The following BCL7A variants were observed in gnomAD, a reference collection of about 807,000 sequenced individuals.
BCL7A encodes the protein B-cell CLL/lymphoma 7 protein family member A.
A neutral mutation model predicts 28.4 loss-of-function variants in BCL7A; 11 were observed. That is an observed-to-expected ratio of 0.39 (90% confidence interval 0.24 to 0.64). The LOEUF is 0.64. Among genes scored for constraint, BCL7A ranks in the 30% least tolerant of loss-of-function variants. The pLI, the probability that BCL7A is intolerant of heterozygous loss-of-function variation, is 0.50. For missense variants in BCL7A, 222 were observed against 274.8 expected (o/e 0.81, Z 1.36); for synonymous variants, 123 against 103.3 (o/e 1.19, Z -1.15).
At chr12:122,025,169 AGGG>A (rs1238413948) in intron 1 of BCL7A, among the ~76,000 whole-genome samples, 1 of 152,138 alleles carries the variant, frequency 6.6e-6, no homozygotes, top group East Asian at 1.9e-4. Flanking sequence ...AGAAGACCCC[AGGG>A]CGATGGTAGG....
Position 122,043,915 on chromosome 12 carries a change from G to A in BCL7A, c.301G>A (p.Asp101Asn). 1 of 1,613,852 alleles carries A rather than the reference G, an allele frequency of 6.2e-7. No individual in the cohort carries two copies. Among genetic ancestry groups the A allele is most frequent in the Non-Finnish European group, 8.5e-7 (1 of 1,179,998 alleles). Residue 101 changes from aspartate (D) to asparagine (N), a missense_variant, in exon 4 of 6, where the codon GAT becomes AAT. Around this residue, in one of 2 missense-constraint regions of BCL7A, gnomAD observed 155 missense variants for 145.7 expected, o/e 1.06. Coordinates refer to ENST00000261822, the MANE Select transcript of BCL7A (RefSeq NM_001024808.3). ...TAACAGCAACCAGAGCTCCATCGCA[G>A]ATGCCTCCCCCATCAAACAGGAGAA... The part of the protein sequence containing the change: ...DDNSNQSSIA[D>N]ASPIKQENSS...
At chr12:122,025,340 A>G (rs1261463640) in intron 1 of BCL7A, among the ~76,000 whole-genome samples, 2 of 151,638 alleles carry the variant, frequency 1.3e-5, no homozygotes, top group East Asian at 1.9e-4. Flanking sequence ...AAAAGAAAAA[A>G]AAGAGCCGGG....
In BCL7A at chr12:122,029,670, GC is replaced by G. The variant is rs1289886899; in HGVS notation, c.93-1029del. Among the ~76,000 whole-genome samples the G allele has an allele frequency of 6.6e-6, 1 of 152,112 alleles. No homozygotes were observed. Among genetic ancestry groups the G allele is most frequent in the Non-Finnish European group, 1.5e-5 (1 of 68,016 alleles). Reference sequence around the variant, plus strand: ...CCATCAGTGGCTCCTTGGTGGCCTCGCAGGTCTCCTGATCTGGCAGAGTCTT... The same window carrying G: ...CCATCAGTGGCTCCTTGGTGGCCTCGAGGTCTCCTGATCTGGCAGAGTCTT... On this transcript the variant is annotated intron_variant, in intron 1 of 5. Coordinates refer to ENST00000261822, the MANE Select transcript of BCL7A (RefSeq NM_001024808.3). This position sits in a 1 kb window ranked among gnomAD's most constrained non-coding sequence, Gnocchi z 4.3.
chr12:122,040,425 C>T (rs1428566444), intron 3 of BCL7A, among the ~76,000 whole-genome samples: 9 of 149,974 alleles, frequency 6.0e-5, no homozygotes, highest in Non-Finnish European at 1.2e-4. Context: ...CCCAGCTACT[C>T]GGGAGGCTGA....
intron 5 of BCL7A, among the ~76,000 whole-genome samples, chr12:122,056,215 G>A (rs572986775): frequency 7.2e-5 from 11 of 152,256 alleles, no homozygotes; most frequent in African/African-American, 1.2e-4. Flanking sequence ...CAAAGTTGTC[G>A]GCTGGGATCT....
At chr12:122,057,980 G>A (rs556409739) in intron 5 of BCL7A, among the ~76,000 whole-genome samples, 3 of 151,604 alleles carry the variant, frequency 2.0e-5, no homozygotes, top group South Asian at 4.2e-4. Context: ...CCTTGAGCCC[G>A]GGAGTTCAAG....
chr12:122,059,245 C>A lies in BCL7A; in HGVS notation c.*82C>A, dbSNP rs763719414. The A allele has an allele frequency of 3.7e-6, 5 of 1,344,800 alleles. No homozygotes were observed. The highest frequency in any genetic ancestry group is 5.3e-6 in the Non-Finnish European group (5 of 943,600). 83.3% of individuals were successfully genotyped at this position (1,344,800 alleles called of 1,614,324 possible). On this transcript the variant is annotated 3_prime_UTR_variant, in exon 6 of 6. Transcript: ENST00000261822. This position sits in a 1 kb window ranked among gnomAD's most constrained non-coding sequence, Gnocchi z 4.0. ...CTAGAGCAACTTTGCCCCAGCGATT[C>A]CTCTTGGGTGCGAACAGAACTACTA... is the stretch of plus-strand genomic sequence containing the variant.
chr12:122,053,927 A>G (rs1056005589), intron 4 of BCL7A, among the ~76,000 whole-genome samples: 6 of 152,262 alleles, frequency 3.9e-5, no homozygotes, highest in African/African-American at 1.4e-4. Context: ...ATTTGTACGC[A>G]TGGAGGGAGG....
intron 4 of BCL7A, 143 bp from the exon 5 acceptor site, chr12:122,054,662 C>T (rs1335106700): frequency 1.2e-6 from 1 of 804,248 alleles, no homozygotes; most frequent in South Asian, 1.7e-5. Flanking sequence ...ACTCCCCAGC[C>T]CTCCAGCCCC....
In BCL7A at chr12:122,036,540, C is replaced by G. The variant is rs530514284; in HGVS notation, c.271+1113C>G. Among the ~76,000 whole-genome samples the G allele has an allele frequency of 1.9e-4, 29 of 152,272 alleles. No homozygotes were observed. The East Asian group carries it at 5.2e-3, about 27-fold the overall frequency. On this transcript the variant is annotated intron_variant, in intron 3 of 5. Transcript: ENST00000261822. ...ACCTTTTTATTTGAGAGGAAACGTG[C>G]AAATGATGTGTGTATGACTCCATGA...
In BCL7A at chr12:122,061,119, A is replaced by G. The variant is rs1951917627; in HGVS notation, c.*1956A>G. 8.9e-6 allele frequency: 2 copies of G among 225,710 alleles called. No individual in the cohort carries two copies. The highest frequency in any genetic ancestry group is 1.8e-4 in the South Asian group (1 of 5,438). The allele number at this position is 225,710 out of a possible 1,614,324, so 14.0% of individuals were successfully genotyped here. A position where few individuals can be genotyped will look rare whatever the true frequency, so the allele number is the denominator to read the frequency against. On this transcript the variant is annotated 3_prime_UTR_variant, in exon 6 of 6. Coordinates refer to ENST00000261822, the MANE Select transcript of BCL7A (RefSeq NM_001024808.3). ...CCAGATTCCGTAGAGTTAGAGTCAC[A>G]TTTTTCTTTGCAGCGAAACTCCATC...
rs770159023 is a variant in BCL7A at position 122,024,459 on chromosome 12, TTTG to T, written c.92+2279_92+2281del. On this transcript the variant is annotated intron_variant, in intron 1 of 5. Coordinates refer to ENST00000261822, the MANE Select transcript of BCL7A (RefSeq NM_001024808.3). ...TTGTAGAAACTTGGCTTTGAGGTTTTTTGTTTTTTTTTTTTTTTGGCCCCTTCT... is the reference window on the plus strand; with the variant it reads ...TTGTAGAAACTTGGCTTTGAGGTTTTTTTTTTTTTTTTTTTGGCCCCTTCT... Among the ~76,000 whole-genome samples, 120 of 47,262 alleles carry T rather than the reference TTTG, an allele frequency of 2.5e-3. 11 individuals carry two copies. The highest frequency in any genetic ancestry group is 3.7e-3 in the Non-Finnish European group (87 of 23,516). The allele number at this position is 47,262 out of a possible 152,430, so 31.0% of individuals were successfully genotyped here.
Position 122,022,069 on chromosome 12 carries a change from G to A in BCL7A, c.-23G>A. On this transcript the variant is annotated 5_prime_UTR_variant, in exon 1 of 6. Transcript: ENST00000261822. ...CAGGACCCGGCGGGCGCGCTCCCCA[G>A]CCTCCGTCTCCCCGCCGGAACCATG... The A allele has an allele frequency of 1.3e-6, 2 of 1,537,102 alleles. No individual in the cohort carries two copies. Among genetic ancestry groups the A allele is most frequent in the Non-Finnish European group, 1.8e-6 (2 of 1,139,300 alleles).
intron 1 of BCL7A, among the ~76,000 whole-genome samples, chr12:122,024,296 T>A (rs568166587): frequency 2.0e-5 from 3 of 152,300 alleles, no homozygotes; most frequent in African/African-American, 2.4e-5. Flanking sequence ...TCTCTAACCA[T>A]GGTGACCCGG....
At chr12:122,044,089 C>T in intron 4 of BCL7A, 36 bp downstream of exon 4, 2 of 1,589,776 alleles carry the variant, frequency 1.3e-6, no homozygotes, top group Non-Finnish European at 8.6e-7. Context: ...CTGACGGCCT[C>T]CCTGTAACCG....
chr12:122,046,666 G>A (rs1388913664), intron 4 of BCL7A, among the ~76,000 whole-genome samples: 1 of 152,158 alleles, frequency 6.6e-6, no homozygotes, highest in Non-Finnish European at 1.5e-5. Context: ...AAATTTGAAT[G>A]TGATGTCAAA....
chr12:122,040,323 G>A (rs1201300760), intron 3 of BCL7A, among the ~76,000 whole-genome samples: 2 of 152,096 alleles, frequency 1.3e-5, no homozygotes, highest in Non-Finnish European at 2.9e-5. Flanking sequence ...TTAAGGTCAG[G>A]AGTTGGAGAG....
intron 4 of BCL7A, among the ~76,000 whole-genome samples, chr12:122,047,339 T>C (rs1045666889): frequency 4.7e-5 from 7 of 148,298 alleles, no homozygotes; most frequent in Admixed American, 2.0e-4. Flanking sequence ...CTGGCTAACA[T>C]GGTGAAACCC....
intron 1 of BCL7A, among the ~76,000 whole-genome samples, chr12:122,025,089 G>A (rs1883587156): frequency 1.3e-5 from 2 of 152,284 alleles, no homozygotes; most frequent in African/African-American, 2.4e-5. Context: ...TGGCTAAAGG[G>A]AAAACAAAAT....
Sources: gnomAD v4.1 joint callset for allele counts (sites outside exome capture counted in the v4.1 genomes callset) on GRCh38, gnomAD v4.1.1 for gene constraint, gnomAD v4.1.1 regional missense constraint, Gnocchi (gnomAD v3.1) non-coding constraint, MANE v1.5 for transcripts, NCBI Gene and HGNC (gene_info 2026-07-23, HGNC 2026-07-21) for gene names.